Variants in EPB41L5 observed in about 807,000 individuals in gnomAD.
EPB41L5 encodes band 4.1-like protein 5.
Under a neutral mutation model 106.6 loss-of-function variants are expected in EPB41L5, and 55 were observed. That is an observed-to-expected ratio of 0.52 (90% CI 0.42 to 0.65). The LOEUF (loss-of-function observed/expected upper bound fraction) is 0.65. Ranked by LOEUF, EPB41L5 falls within the 30% of genes least tolerant of loss-of-function variation. The probability of loss-of-function intolerance (pLI) is 0.00; values close to 1 mark genes in which losing one functional copy is unlikely to be tolerated. For missense variants in EPB41L5, 871 were observed against 882.1 expected, an observed-to-expected ratio of 0.99 and a Z score of 0.16; for synonymous variants, 297 against 306.7, an observed-to-expected ratio of 0.97 and a Z score of 0.33.
intron 18 of EPB41L5, among the ~76,000 whole-genome samples, chr2:120,135,666 C>T (rs937297300): frequency 3.9e-5 from 6 of 152,130 alleles, no homozygotes; most frequent in Admixed American, 1.3e-4. Flanking sequence ...TTTCAGCAGA[C>T]ACCTCACAGG....
At chr2:120,030,844 C>T (rs988057672) in intron 2 of EPB41L5, among the ~76,000 whole-genome samples, 6 of 151,774 alleles carry the variant, frequency 4.0e-5, no homozygotes, top group Admixed American at 1.3e-4. Flanking sequence ...TGTGAGCCTC[C>T]GTGCCTGGCC....
At chr2:120,050,328 TG>T (rs1558825978) in intron 3 of EPB41L5, among the ~76,000 whole-genome samples, 1 of 152,198 alleles carries the variant, frequency 6.6e-6, no homozygotes, top group African/African-American at 2.4e-5. Context: ...GGTCTTTTCA[TG>T]TAGTCCCATA....
intron 10 of EPB41L5, among the ~76,000 whole-genome samples, chr2:120,078,893 T>G (rs889649670): frequency 1.3e-5 from 2 of 152,208 alleles, no homozygotes; most frequent in Non-Finnish European, 1.5e-5. Flanking sequence ...ATGTCATTGC[T>G]TTTAATATTT....
chr2:120,077,846 A>T (rs532682255), intron 9 of EPB41L5, among the ~76,000 whole-genome samples: 1 of 152,176 alleles, frequency 6.6e-6, no homozygotes, highest in African/African-American at 2.4e-5. Flanking sequence ...AAGAGGTTCA[A>T]TTGGCTCATG....
At chr2:120,034,158 G>A (rs1254823364) in intron 2 of EPB41L5, among the ~76,000 whole-genome samples, 2 of 152,190 alleles carry the variant, frequency 1.3e-5, no homozygotes, top group African/African-American at 4.8e-5. Context: ...ACTATTGGTT[G>A]TCTTAGAACT....
intron 2 of EPB41L5, among the ~76,000 whole-genome samples, chr2:120,031,250 A>C (rs1436509651): frequency 6.6e-6 from 1 of 152,212 alleles, no homozygotes; most frequent in East Asian, 1.9e-4. Flanking sequence ...AGTCTCCCAC[A>C]CAACCAGCTC....
intron 19 of EPB41L5, among the ~76,000 whole-genome samples, chr2:120,144,060 A>G (rs1047373289): frequency 1.3e-5 from 2 of 152,186 alleles, no homozygotes; most frequent in Admixed American, 6.5e-5. Flanking sequence ...TTGACCCTCA[A>G]TAGTTATAGT....
At chr2:120,064,041 C>T (rs752024600) in intron 3 of EPB41L5, among the ~76,000 whole-genome samples, 11 of 152,052 alleles carry the variant, frequency 7.2e-5, no homozygotes, top group Non-Finnish European at 1.2e-4. Context: ...TACAAGTCTT[C>T]ATTTGGAATG....
At chr2:120,051,662 G>A (rs371093302) in intron 3 of EPB41L5, among the ~76,000 whole-genome samples, 69 of 152,286 alleles carry the variant, frequency 4.5e-4, no homozygotes, top group African/African-American at 1.4e-3. Context: ...GCGATGCCTC[G>A]CCCTGCTTTG....
intron 16 of EPB41L5, among the ~76,000 whole-genome samples, chr2:120,120,105 T>C (rs907819823): frequency 2.0e-5 from 3 of 152,086 alleles, no homozygotes; most frequent in Non-Finnish European, 4.4e-5. Context: ...AAAGAAAAAC[T>C]TCAATTGTCT....
At chr2:120,161,479 T>A (rs1687138843) in intron 21 of EPB41L5, among the ~76,000 whole-genome samples, 1 of 152,150 alleles carries the variant, frequency 6.6e-6, no homozygotes, top group African/African-American at 2.4e-5. Flanking sequence ...TCTTCTCCAG[T>A]TTGTATGTAC....
intron 18 of EPB41L5, among the ~76,000 whole-genome samples, chr2:120,131,950 C>T (rs547579077): frequency 3.0e-3 from 454 of 150,574 alleles, no homozygotes; most frequent in South Asian, 8.6e-3. Flanking sequence ...AAAAAAAAAA[C>T]ACAGTCAAGA....
chr2:120,066,783 G>A (rs570697762), intron 3 of EPB41L5, among the ~76,000 whole-genome samples: 4 of 152,286 alleles, frequency 2.6e-5, no homozygotes, highest in East Asian at 3.9e-4. Flanking sequence ...CCATGGTTTT[G>A]GGGAGAAAAT....
intron 16 of EPB41L5, among the ~76,000 whole-genome samples, chr2:120,124,005 C>T (rs1328626919): frequency 4.6e-5 from 7 of 152,018 alleles, no homozygotes; most frequent in African/African-American, 1.5e-4. Context: ...TTGTGGTGCT[C>T]ACATTGAGGG....
At chr2:120,021,228 T>TG (rs2105129047) in intron 2 of EPB41L5, among the ~76,000 whole-genome samples, 1 of 152,150 alleles carries the variant, frequency 6.6e-6, no homozygotes, top group African/African-American at 2.4e-5. Flanking sequence ...TAGTCCCAGC[T>TG]ACTCAGGAGG....
chr2:120,155,880 C>T (rs896329316), intron 20 of EPB41L5, among the ~76,000 whole-genome samples: 4 of 152,030 alleles, frequency 2.6e-5, no homozygotes, highest in Admixed American at 6.6e-5. Context: ...CGGCCCCCAG[C>T]GACTCCAAGG....
In EPB41L5 at chr2:120,041,940, T is replaced by C; in HGVS notation, c.181-66T>C. On this transcript the variant is annotated intron_variant, in intron 2 of 24. Coordinates refer to ENST00000263713, the MANE Select transcript of EPB41L5 (RefSeq NM_020909.4). ...AAGAGATCTTGTATAACTAAAACCT[T>C]CTTTTGTTCAGGCTTGTTGATCTTA... 4 of 1,222,014 alleles carry C rather than the reference T, an allele frequency of 3.3e-6. No individual in the cohort carries two copies. The South Asian group carries it at 5.6e-5, about 17-fold the overall frequency. The allele number at this position is 1,222,014 out of a possible 1,614,324, so 75.7% of individuals were successfully genotyped here.
chr2:120,084,046 CTT>C (rs1682884038), intron 10 of EPB41L5, among the ~76,000 whole-genome samples: 1 of 152,148 alleles, frequency 6.6e-6, no homozygotes, highest in South Asian at 2.1e-4. Context: ...GGTCTTGACT[CTT>C]TATCCAATTT....
At chr2:120,141,014 A>C (rs1308706770) in intron 18 of EPB41L5, among the ~76,000 whole-genome samples, 1 of 152,032 alleles carries the variant, frequency 6.6e-6, no homozygotes, top group African/African-American at 2.4e-5. Flanking sequence ...TTAGCCAGCA[A>C]CCTAATCTTA....
Sources: allele counts gnomAD v4.1 joint callset (sites outside exome capture counted in the v4.1 genomes callset), GRCh38; gene constraint gnomAD v4.1.1; transcripts MANE v1.5; gene names NCBI Gene and HGNC (gene_info 2026-07-23, HGNC 2026-07-21).